The following COL14A1 variants were observed in gnomAD, a reference collection of about 807,000 sequenced individuals.
COL14A1 encodes the protein collagen alpha-1(XIV) chain.
COL14A1 carries 136 observed loss-of-function variants against 230.3 expected under a neutral mutation model. That is an observed-to-expected ratio of 0.59 (90% confidence interval 0.51 to 0.68). The LOEUF is 0.68. Among genes scored for constraint, COL14A1 ranks in the 30% least tolerant of loss-of-function variants. The probability of loss-of-function intolerance (pLI) is 0.00; values close to 1 mark genes in which losing one functional copy is unlikely to be tolerated. For synonymous variants in COL14A1, 792 were observed against 784.1 expected, an observed-to-expected ratio of 1.01 and a Z score of -0.17; for missense variants, 1,976 against 2,215.8, an observed-to-expected ratio of 0.89 and a Z score of 2.17.
At chr8:120,167,617 T>G (rs530010806) in intron 4 of COL14A1, among the ~76,000 whole-genome samples, 1 of 152,378 alleles carries the variant, frequency 6.6e-6, no homozygotes, top group African/African-American at 2.4e-5. Flanking sequence ...CATAAAAAAC[T>G]ACCATGTATT....
At chr8:120,209,927 C>A (rs1292354800) in intron 12 of COL14A1, 26 bp downstream of exon 12, 8 of 1,444,836 alleles carry the variant, frequency 5.5e-6, no homozygotes, top group Admixed American at 2.6e-5. Flanking sequence ...CTATTACAGT[C>A]CTAGAATCTT....
At chr8:120,292,091 C>A (rs1040682182) in intron 34 of COL14A1, among the ~76,000 whole-genome samples, 1 of 151,960 alleles carries the variant, frequency 6.6e-6, no homozygotes, top group Admixed American at 6.6e-5. Context: ...ATATATTGTA[C>A]CCTCTCCTAA....
chr8:120,243,016 C>T (rs1315568082), intron 19 of COL14A1, among the ~76,000 whole-genome samples: 8 of 152,190 alleles, frequency 5.3e-5, no homozygotes, highest in Admixed American at 3.9e-4. Flanking sequence ...TCAGTTCTTA[C>T]ATCCTAGCAC....
intron 40 of COL14A1, among the ~76,000 whole-genome samples, chr8:120,321,504 A>C (rs1821441918): frequency 1.3e-5 from 2 of 152,026 alleles, no homozygotes; most frequent in Non-Finnish European, 2.9e-5. Context: ...ATAGCTTGGC[A>C]TGGTGGCACG....
At chr8:120,356,719 C>G (rs1209543079) in intron 45 of COL14A1, among the ~76,000 whole-genome samples, 1 of 151,526 alleles carries the variant, frequency 6.6e-6, no homozygotes, top group African/African-American at 2.4e-5. Context: ...CAGAGCAAGA[C>G]TCTTTCTCAA....
At chr8:120,206,138 A>G (rs569529408) in intron 9 of COL14A1, among the ~76,000 whole-genome samples, 25 of 152,186 alleles carry the variant, frequency 1.6e-4, no homozygotes, top group Non-Finnish European at 2.8e-4. Flanking sequence ...TTAAAAACAT[A>G]GACTCTTGTG....
At chr8:120,256,451 G>C (rs1445510911) in intron 23 of COL14A1, among the ~76,000 whole-genome samples, 1 of 152,118 alleles carries the variant, frequency 6.6e-6, no homozygotes, top group Non-Finnish European at 1.5e-5. Flanking sequence ...TGGAACATAC[G>C]AGAAGAAATT....
intron 45 of COL14A1, among the ~76,000 whole-genome samples, chr8:120,361,010 C>T (rs1287748312): frequency 6.6e-6 from 1 of 152,172 alleles, no homozygotes; most frequent in African/African-American, 2.4e-5. Context: ...GACAATCTCC[C>T]CTTCTGTTTC....
chr8:120,369,273 A>C, intron 46 of COL14A1, 57 bp from the exon 47 acceptor site: 7 of 1,448,264 alleles, frequency 4.8e-6, no homozygotes, highest in Non-Finnish European at 6.4e-6. Flanking sequence ...TGGTTGTCTC[A>C]AAACTCACCC....
chr8:120,160,281 C>G (rs752172472), intron 3 of COL14A1, among the ~76,000 whole-genome samples: 14 of 152,000 alleles, frequency 9.2e-5, no homozygotes, highest in Non-Finnish European at 1.6e-4. Context: ...ATACAAGTTA[C>G]TATTTTTTGT....
chr8:120,334,769 T>C (rs1821995040), intron 42 of COL14A1, among the ~76,000 whole-genome samples: 1 of 152,160 alleles, frequency 6.6e-6, no homozygotes, highest in Non-Finnish European at 1.5e-5. Context: ...TTAGAATACA[T>C]CCACAGTGCC....
intron 14 of COL14A1, among the ~76,000 whole-genome samples, chr8:120,221,412 A>G (rs1817929490): frequency 6.6e-6 from 1 of 152,194 alleles, no homozygotes; most frequent in Non-Finnish European, 1.5e-5. Flanking sequence ...TTAAAACATG[A>G]TATTTTAACT....
chr8:120,309,996 A>G lies in COL14A1; in HGVS notation c.4402-13A>G, dbSNP rs1170275580. 1.2e-6 allele frequency: 2 copies of G among 1,613,824 alleles called. No homozygotes were observed. Among genetic ancestry groups the G allele is most frequent in the Admixed American group, 3.3e-5 (2 of 59,996 alleles). On this transcript the variant is annotated splice_polypyrimidine_tract_variant and intron_variant, in intron 36 of 47. Coordinates refer to ENST00000297848, the MANE Select transcript of COL14A1 (RefSeq NM_021110.4). The stretch of plus-strand genomic sequence containing the variant: ...ATTTGTCTTTGAGCTAATACTTAAC[A>G]TCTGTTTGCCAGGGTGGTCCAGGAC...
intron 35 of COL14A1, among the ~76,000 whole-genome samples, chr8:120,300,181 A>T (rs1346018073): frequency 6.6e-6 from 1 of 152,148 alleles, no homozygotes; most frequent in Non-Finnish European, 1.5e-5. Context: ...AGAGCCTCAG[A>T]TCTACACTGT....
intron 45 of COL14A1, among the ~76,000 whole-genome samples, chr8:120,348,927 C>T (rs540808477): frequency 4.6e-5 from 7 of 152,266 alleles, no homozygotes; most frequent in South Asian, 2.1e-4. Context: ...GTTAAAAGAA[C>T]GAGGAGAGAC....
chr8:120,347,661 A>G (rs1222418268), intron 45 of COL14A1, among the ~76,000 whole-genome samples: 3 of 152,234 alleles, frequency 2.0e-5, no homozygotes, highest in Non-Finnish European at 4.4e-5. Flanking sequence ...GTCTTCAGCT[A>G]TCTTTTCTCT....
At chr8:120,301,666 C>CGT (rs1820714465) in intron 36 of COL14A1, among the ~76,000 whole-genome samples, 1 of 151,992 alleles carries the variant, frequency 6.6e-6, no homozygotes, top group Non-Finnish European at 1.5e-5. Flanking sequence ...AGTGAACATT[C>CGT]GTGTGTATAT....
intron 5 of COL14A1, among the ~76,000 whole-genome samples, chr8:120,186,242 G>T (rs1175331161): frequency 6.6e-6 from 1 of 152,106 alleles, no homozygotes; most frequent in Non-Finnish European, 1.5e-5. Context: ...CTTCAGTAGT[G>T]TGGCTGGAGC....
At chr8:120,289,533 AATCATACAATTAT>A in intron 33 of COL14A1, 62 bp from the exon 34 acceptor site, 3 of 1,294,210 alleles carry the variant, frequency 2.3e-6, no homozygotes, top group Non-Finnish European at 3.3e-6. Context: ...TGTAATGATG[AATCATACAATTAT>A]ACAAATTTGG....
Sources: allele counts gnomAD v4.1 joint callset (sites outside exome capture counted in the v4.1 genomes callset), GRCh38; gene constraint gnomAD v4.1.1; transcripts MANE v1.5; gene names NCBI Gene and HGNC (gene_info 2026-07-23, HGNC 2026-07-21).